The following NPAS3 variants were observed in gnomAD, a reference collection of about 807,000 sequenced individuals.
The protein encoded by NPAS3 is neuronal PAS domain-containing protein 3.
Under a neutral mutation model 73.1 loss-of-function variants are expected in NPAS3, and 14 were observed. The ratio of observed to expected loss-of-function variants is 0.19; its 90% CI spans 0.13 to 0.30. The LOEUF is 0.30. Among genes scored for constraint, NPAS3 ranks in the 10% least tolerant of loss-of-function variants. The probability of loss-of-function intolerance (pLI) is 1.00; values close to 1 mark genes in which losing one functional copy is unlikely to be tolerated. For synonymous variants in NPAS3, 620 were observed against 541.5 expected (o/e 1.14, Z -2.01); for missense variants, 1,096 against 1,250.0 (o/e 0.88, Z 1.86).
intron 2 of NPAS3, among the ~76,000 whole-genome samples, chr14:33,198,744 C>G (rs1033653671): frequency 4.6e-5 from 7 of 152,232 alleles, no homozygotes; most frequent in African/African-American, 1.7e-4. Context: ...CGCCTGCACT[C>G]CTGAGCCCTT....
intron 5 of NPAS3, among the ~76,000 whole-genome samples, chr14:33,667,204 G>A (rs35781039): frequency 0.53 from 80,657 of 152,018 alleles, 21,883 homozygotes; most frequent in African/African-American, 0.62. Context: ...GAATCAGAGC[G>A]GCCACATTCC....
At chr14:33,426,210 C>T (rs1212531155) in intron 4 of NPAS3, among the ~76,000 whole-genome samples, 3 of 152,016 alleles carry the variant, frequency 2.0e-5, no homozygotes, top group African/African-American at 7.2e-5. Context: ...ACTCAGATTC[C>T]ACCTCCATGT....
intron 5 of NPAS3, among the ~76,000 whole-genome samples, chr14:33,668,572 T>C (rs2059522033): frequency 1.3e-5 from 2 of 152,190 alleles, no homozygotes; most frequent in African/African-American, 4.8e-5. Flanking sequence ...TCCCAGCACT[T>C]TGGGACGTTG....
intron 5 of NPAS3, among the ~76,000 whole-genome samples, chr14:33,649,632 G>T (rs375173732): frequency 6.6e-6 from 1 of 152,170 alleles, no homozygotes; most frequent in East Asian, 1.9e-4. Context: ...ACATAAGGAA[G>T]GCTTCATGAG....
intron 1 of NPAS3, among the ~76,000 whole-genome samples, chr14:33,047,777 A>G (rs1407580058): frequency 6.6e-6 from 1 of 152,130 alleles, no homozygotes; most frequent in African/African-American, 2.4e-5. Context: ...GTCTATATCC[A>G]GCTCGGTCAC....
chr14:33,327,341 A>T (rs2140260310), intron 3 of NPAS3, among the ~76,000 whole-genome samples: 2 of 152,338 alleles, frequency 1.3e-5, no homozygotes, highest in African/African-American at 4.8e-5. Flanking sequence ...AGGAAGTAAG[A>T]ATTGTTTTAG....
chr14:33,121,709 A>G lies in NPAS3; in HGVS notation c.140+65715A>G, dbSNP rs569612604. On this transcript the variant is annotated intron_variant, in intron 2 of 11. Transcript: ENST00000356141. The stretch of plus-strand genomic sequence containing the variant: ...ATCATGTCAGATATCCTGGAAATAG[A>G]AAGTATAATTGAAAGACACAGAAAG... 5.3e-4 allele frequency among the ~76,000 whole-genome samples: 81 copies of G among 152,292 alleles called. 1 individual carries two copies. The highest frequency in any genetic ancestry group is 8.4e-4 in the Non-Finnish European group (57 of 68,010).
At position 33,497,736 on chromosome 14, in the gene NPAS3, A is replaced by T. The variant is rs563871851; in HGVS notation, c.469-62385A>T. On this transcript the variant is annotated intron_variant, in intron 4 of 11. Coordinates refer to ENST00000356141, the Ensembl canonical transcript of NPAS3. ...AGACTTAAATGTAAGACCTAAAATC[A>T]TAAAAACCCTAGAAGAAAACCTAGG... 2.4e-4 allele frequency among the ~76,000 whole-genome samples: 36 copies of T among 152,332 alleles called. No homozygotes were observed. The South Asian group carries it at 2.5e-3, about 11-fold the overall frequency.
At chr14:33,286,578 C>T (rs2140089691) in intron 3 of NPAS3, among the ~76,000 whole-genome samples, 1 of 152,208 alleles carries the variant, frequency 6.6e-6, no homozygotes, top group East Asian at 1.9e-4. Flanking sequence ...GAATATCGGC[C>T]TGAATGAGTG....
At chr14:33,577,738 A>G (rs1010173245) in intron 5 of NPAS3, among the ~76,000 whole-genome samples, 2 of 152,240 alleles carry the variant, frequency 1.3e-5, no homozygotes, top group African/African-American at 2.4e-5. Context: ...CCCAGTAAAT[A>G]GTGCCTTTCA....
At chr14:33,657,384 T>C (rs1199591505) in intron 5 of NPAS3, among the ~76,000 whole-genome samples, 1 of 152,192 alleles carries the variant, frequency 6.6e-6, no homozygotes, top group Non-Finnish European at 1.5e-5. Context: ...TTGGGAACTA[T>C]AATGATGAAT....
chr14:33,378,015 T>G (rs1039566770), intron 4 of NPAS3, among the ~76,000 whole-genome samples: 13 of 152,188 alleles, frequency 8.5e-5, no homozygotes, highest in African/African-American at 2.9e-4. Context: ...CAATGTAACA[T>G]AGGCTAGTGG....
chr14:33,696,787 T>C (rs1290101960), intron 6 of NPAS3, among the ~76,000 whole-genome samples: 4 of 152,216 alleles, frequency 2.6e-5, no homozygotes, highest in Non-Finnish European at 5.9e-5. Flanking sequence ...TTTCTTGCTT[T>C]TGTTTCGTAT....
chr14:33,787,539 C>T lies in NPAS3; in HGVS notation c.1154-6358C>T, dbSNP rs929093035. Among the ~76,000 whole-genome samples, 3 of 149,884 alleles carry T rather than the reference C, an allele frequency of 2.0e-5. No individual in the cohort carries two copies. The East Asian group carries it at 5.9e-4, about 29-fold the overall frequency. ...AGGTCTTCTGTCCTTAAGCTCATAACTCACAGTAAGTATCAAATATCCTTC... is the reference window on the plus strand; with the variant it reads ...AGGTCTTCTGTCCTTAAGCTCATAATTCACAGTAAGTATCAAATATCCTTC... On this transcript the variant is annotated intron_variant, in intron 9 of 11. Coordinates refer to ENST00000356141, the Ensembl canonical transcript of NPAS3.
chr14:33,390,103 A>C (rs964796111), intron 4 of NPAS3, among the ~76,000 whole-genome samples: 2 of 152,192 alleles, frequency 1.3e-5, no homozygotes, highest in African/African-American at 4.8e-5. Context: ...TAGAGATGGG[A>C]AGGATTGTGC....
intron 4 of NPAS3, among the ~76,000 whole-genome samples, chr14:33,425,858 G>T (rs979206070): frequency 2.6e-5 from 4 of 152,024 alleles, no homozygotes; most frequent in African/African-American, 9.7e-5. Flanking sequence ...GCACCTCACG[G>T]GAACTTGTTA....
At chr14:33,195,271 GTTTTC>G (rs1445432019) in intron 2 of NPAS3, among the ~76,000 whole-genome samples, 5 of 150,286 alleles carry the variant, frequency 3.3e-5, no homozygotes, top group Non-Finnish European at 7.4e-5. Flanking sequence ...TTTTTGTTTT[GTTTTC>G]TTTTGTTTTT....
intron 2 of NPAS3, among the ~76,000 whole-genome samples, chr14:33,083,764 G>A (rs372295642): frequency 9.2e-5 from 14 of 152,222 alleles, no homozygotes; most frequent in East Asian, 7.7e-4. Context: ...CAGAATCCCC[G>A]TGGGATCCCC....
intron 1 of NPAS3, among the ~76,000 whole-genome samples, chr14:32,976,310 A>G: frequency 6.6e-6 from 1 of 152,116 alleles, no homozygotes; most frequent in East Asian, 1.9e-4. Flanking sequence ...GAGGTCTCTG[A>G]AGTGCGTTGT....
Sources: allele counts gnomAD v4.1 joint callset (sites outside exome capture counted in the v4.1 genomes callset), GRCh38; gene constraint gnomAD v4.1.1; transcripts MANE v1.5; gene names NCBI Gene and HGNC (gene_info 2026-07-23, HGNC 2026-07-21).